PIK3C2A: variants seen among roughly 807,000 people sequenced by gnomAD.
PIK3C2A encodes phosphatidylinositol-4-phosphate 3-kinase catalytic subunit type 2 alpha.
Under a neutral mutation model 204.5 loss-of-function variants are expected in PIK3C2A, and 97 were observed. The ratio of observed to expected loss-of-function variants is 0.47; its 90% CI spans 0.40 to 0.56. The LOEUF (loss-of-function observed/expected upper bound fraction) is 0.56, where lower values mean the gene tolerates loss of function less well. Ranked by LOEUF, PIK3C2A falls within the 20% of genes least tolerant of loss-of-function variation. The probability of loss-of-function intolerance (pLI) is 0.00; values close to 1 mark genes in which losing one functional copy is unlikely to be tolerated. For synonymous variants in PIK3C2A, 653 were observed against 664.4 expected (o/e 0.98, Z 0.26); for missense variants, 1,735 against 1,969.2 (o/e 0.88, Z 2.25).
rs1849244219 is a variant in PIK3C2A at position 17,117,689 on chromosome 11, TTA to T, written c.3036-20_3036-19del. The T allele has an allele frequency of 2.1e-6, 3 of 1,425,782 alleles. No homozygotes were observed. Among genetic ancestry groups the T allele is most frequent in the South Asian group, 1.3e-5 (1 of 75,236 alleles). The allele number at this position is 1,425,782 out of a possible 1,614,324, so 88.3% of individuals were successfully genotyped here. On this transcript the variant is annotated intron_variant, in intron 18 of 32. Coordinates refer to ENST00000691414, the MANE Select transcript of PIK3C2A (RefSeq NM_002645.4). ...TGAGAAGCCTAATACAGCAAAATATTTATGTTAGTCACGTCTTGGTTTTTTTT... is the reference window on the plus strand; with the variant it reads ...TGAGAAGCCTAATACAGCAAAATATTTGTTAGTCACGTCTTGGTTTTTTTT...
intron 20 of PIK3C2A, among the ~76,000 whole-genome samples, chr11:17,113,667 G>A (rs1372130901): frequency 2.0e-5 from 3 of 150,112 alleles, no homozygotes; most frequent in Non-Finnish European, 4.4e-5. Flanking sequence ...CTGTAATCCC[G>A]GCTACTTGGG....
chr11:17,193,917 G>C, intron 1 of PIK3C2A: 1 of 264,782 alleles, frequency 3.8e-6, no homozygotes, highest in Non-Finnish European at 6.8e-6. Context: ...GAAAAGAAAA[G>C]AAACCCCGAT....
intron 24 of PIK3C2A, among the ~76,000 whole-genome samples, chr11:17,102,010 T>G (rs1848650572): frequency 6.6e-6 from 1 of 152,172 alleles, no homozygotes; most frequent in African/African-American, 2.4e-5. Flanking sequence ...TATTTATAAA[T>G]CCACATACCC....
At chr11:17,191,987 A>G (rs953498462) in intron 1 of PIK3C2A, among the ~76,000 whole-genome samples, 6 of 151,472 alleles carry the variant, frequency 4.0e-5, no homozygotes, top group Non-Finnish European at 8.8e-5. Flanking sequence ...AAAAAAAAAA[A>G]ATAGAAAAAT....
chr11:17,163,281 C>T (rs909294704), intron 2 of PIK3C2A, among the ~76,000 whole-genome samples: 1 of 152,232 alleles, frequency 6.6e-6, no homozygotes, highest in Admixed American at 6.5e-5. Flanking sequence ...ACTCCAGAGC[C>T]TGGGTGACAG....
intron 3 of PIK3C2A, among the ~76,000 whole-genome samples, chr11:17,154,020 A>T (rs1299693234): frequency 2.0e-5 from 3 of 152,206 alleles, no homozygotes; most frequent in African/African-American, 7.2e-5. Flanking sequence ...TGAAAATAAA[A>T]TTACAAAGAG....
rs192983808 is a variant in PIK3C2A at position 17,089,529 on chromosome 11, T to C, written c.*209A>G. 224 of 471,642 alleles carry C rather than the reference T, an allele frequency of 4.7e-4. No homozygotes were observed. Among genetic ancestry groups the C allele is most frequent in the Non-Finnish European group, 3.3e-4 (87 of 265,258 alleles). The allele number at this position is 471,642 out of a possible 1,614,324, so 29.2% of individuals were successfully genotyped here. ...ATAATGACTTTAAAACAGCAATGGC[T>C]TCCAAAAATTCAAAAAGGTTAGTTA... On this transcript the variant is annotated 3_prime_UTR_variant, in exon 33 of 33. Transcript: ENST00000691414.
chr11:17,197,608 G>C (rs1390219974), intron 1 of PIK3C2A, among the ~76,000 whole-genome samples: 1 of 152,118 alleles, frequency 6.6e-6, no homozygotes, highest in Non-Finnish European at 1.5e-5. Context: ...CAAGGAAAGG[G>C]GATATAGTCA....
chr11:17,114,381 C>G lies in PIK3C2A; in HGVS notation c.3301G>C (p.Ala1101Pro). 1.3e-6 allele frequency: 2 copies of G among 1,527,096 alleles called. No homozygotes were observed. Among genetic ancestry groups the G allele is most frequent in the Non-Finnish European group, 1.8e-6 (2 of 1,101,100 alleles). The allele number at this position is 1,527,096 out of a possible 1,614,324, so 94.6% of individuals were successfully genotyped here. Residue 1101 changes from alanine to proline, a missense_variant, in exon 20 of 33, where the codon GCA becomes CCA. By Grantham distance (27) the Ala-to-Pro change is conservative. Transcript: ENST00000691414. ...CRLPLKPSLV[A>P]KELNIKSCSF... ...GTCACCTTAATATTTAATTCTTTTG[C>G]CACTAGACTTGGCTTGAGAGGGAGA...
In PIK3C2A at chr11:17,193,464, A is replaced by G. The variant is rs556161886; in HGVS notation, c.-66+14384T>C. 499 of 413,244 alleles carry G rather than the reference A, an allele frequency of 1.2e-3. 1 individual carries two copies. Among genetic ancestry groups the G allele is most frequent in the Non-Finnish European group, 2.1e-3 (431 of 208,256 alleles). 25.6% of individuals were successfully genotyped at this position (413,244 alleles called of 1,614,324 possible). ...TATAGCTTCCGGTTCTAGGTGCTTC[A>G]GGAGCCATGGCTTAGGGTGCAGACA... is the stretch of plus-strand genomic sequence containing the variant. On this transcript the variant is annotated intron_variant, in intron 1 of 32. Transcript: ENST00000691414.
chr11:17,181,578 G>C (rs942722778), intron 1 of PIK3C2A, among the ~76,000 whole-genome samples: 1 of 142,308 alleles, frequency 7.0e-6, no homozygotes, highest in African/African-American at 2.7e-5. Flanking sequence ...ACCAACCTGG[G>C]CAACATGGTG....
chr11:17,139,417 C>G (rs1456856306), intron 8 of PIK3C2A, among the ~76,000 whole-genome samples: 1 of 151,204 alleles, frequency 6.6e-6, no homozygotes, highest in Middle Eastern at 3.2e-3. Flanking sequence ...TAGTAGAGAC[C>G]GGCTTTCGCC....
chr11:17,132,479 G>A (rs1312874273), intron 11 of PIK3C2A, among the ~76,000 whole-genome samples: 10 of 151,246 alleles, frequency 6.6e-5, no homozygotes, highest in East Asian at 1.9e-4. Context: ...ACAGGCGCCC[G>A]CCACCGCGCC....
chr11:17,102,538 G>T, intron 24 of PIK3C2A, 124 bp downstream of exon 24: 1 of 679,136 alleles, frequency 1.5e-6, no homozygotes, highest in Non-Finnish European at 2.6e-6. Flanking sequence ...TCATATCTTT[G>T]GGCCTTTTTC....
intron 1 of PIK3C2A, among the ~76,000 whole-genome samples, chr11:17,177,999 A>G (rs1281007637): frequency 6.6e-6 from 1 of 151,026 alleles, no homozygotes; most frequent in Non-Finnish European, 1.5e-5. Context: ...AGGCTGAGGA[A>G]GAAGAACTGC....
rs767737685 is a variant in PIK3C2A at position 17,169,774 on chromosome 11, A to AT, written c.-34dup. ...AAAAAGACCAAACCTTCCTTCCTCTATTTTTTTCTTGTAGCTTCCAAAATA... is the reference window on the plus strand; with the variant it reads ...AAAAAGACCAAACCTTCCTTCCTCTATTTTTTTTCTTGTAGCTTCCAAAATA... On this transcript the variant is annotated 5_prime_UTR_variant, in exon 2 of 33. Coordinates refer to ENST00000691414, the MANE Select transcript of PIK3C2A (RefSeq NM_002645.4). The AT allele has an allele frequency of 2.5e-5, 37 of 1,479,924 alleles. 1 individual carries two copies. The South Asian group carries it at 2.7e-4, about 11-fold the overall frequency. 91.7% of individuals were successfully genotyped at this position (1,479,924 alleles called of 1,614,324 possible). A position where few individuals can be genotyped will look rare whatever the true frequency, so the allele number is the denominator to read the frequency against.
At chr11:17,138,873 C>T (rs577960519) in intron 8 of PIK3C2A, among the ~76,000 whole-genome samples, 2 of 152,226 alleles carry the variant, frequency 1.3e-5, no homozygotes, top group Middle Eastern at 3.4e-3. Flanking sequence ...AGTCCTCTTT[C>T]ACCCCTTAAA....
At chr11:17,109,001 T>C (rs549151763) in intron 22 of PIK3C2A, among the ~76,000 whole-genome samples, 2 of 152,340 alleles carry the variant, frequency 1.3e-5, no homozygotes, top group South Asian at 4.1e-4. Context: ...CAGTTCCCAT[T>C]AATCACCTGA....
chr11:17,162,964 A>T (rs1850829266), intron 2 of PIK3C2A, among the ~76,000 whole-genome samples: 1 of 152,164 alleles, frequency 6.6e-6, no homozygotes, highest in Non-Finnish European at 1.5e-5. Context: ...TTTTAAAATT[A>T]AGCTACTAAA....
Sources: gnomAD v4.1 joint callset for allele counts (sites outside exome capture counted in the v4.1 genomes callset) on GRCh38, gnomAD v4.1.1 for gene constraint, MANE v1.5 for transcripts, NCBI Gene and HGNC (gene_info 2026-07-23, HGNC 2026-07-21) for gene names.